TCF7L1: variants seen among roughly 807,000 people sequenced by gnomAD.
TCF7L1 encodes the protein transcription factor 7-like 1.
A neutral mutation model predicts 63.7 loss-of-function variants in TCF7L1; 18 were observed. The observed-to-expected ratio is 0.28, with a 90% CI of 0.20 to 0.42. The LOEUF is 0.42. Ranked by LOEUF, TCF7L1 falls within the 10% of genes least tolerant of loss-of-function variation. The pLI, the probability that TCF7L1 is intolerant of heterozygous loss-of-function variation, is 1.00. For synonymous variants in TCF7L1, 355 were observed against 340.9 expected (o/e 1.04, Z -0.46); for missense variants, 654 against 779.3 (o/e 0.84, Z 1.91).
intron 3 of TCF7L1, among the ~76,000 whole-genome samples, chr2:85,273,543 C>G (rs1019003287): frequency 1.3e-5 from 2 of 152,194 alleles, no homozygotes; most frequent in African/African-American, 4.8e-5. Context: ...GGGAAATAAG[C>G]CCTCTCCCAG....
rs560121428 is a variant in TCF7L1, at chr2:85,302,147, A to T, written c.526-337A>T. On this transcript the variant is annotated intron_variant, in intron 4 of 11. Transcript: ENST00000282111. ...CATCTCAAAAAACAAAACAAAACAA[A>T]AAAAAAACCTTTTTAGATTCAATGA... Among the ~76,000 whole-genome samples, 5 of 152,182 alleles carry T rather than the reference A, an allele frequency of 3.3e-5. No homozygotes were observed. In the East Asian group the frequency reaches 5.8e-4, roughly 18 times the overall value.
chr2:85,264,402 A>G (rs1216520629), intron 3 of TCF7L1, among the ~76,000 whole-genome samples: 1 of 152,290 alleles, frequency 6.6e-6, no homozygotes, highest in East Asian at 1.9e-4. Flanking sequence ...TGCATCACAA[A>G]TCCTCGGACA....
At chr2:85,136,933 T>C (rs904190486) in intron 3 of TCF7L1, among the ~76,000 whole-genome samples, 3 of 152,124 alleles carry the variant, frequency 2.0e-5, no homozygotes, top group Admixed American at 1.3e-4. Flanking sequence ...GGCCCTCTGT[T>C]GGTTTCCCAG....
intron 3 of TCF7L1, among the ~76,000 whole-genome samples, chr2:85,151,680 A>C (rs918029400): frequency 1.3e-5 from 2 of 152,244 alleles, no homozygotes; most frequent in Non-Finnish European, 2.9e-5. Context: ...CTACAGGCTG[A>C]GACCAGTTTG....
At chr2:85,191,308 G>A (rs900709158) in intron 3 of TCF7L1, among the ~76,000 whole-genome samples, 1 of 152,160 alleles carries the variant, frequency 6.6e-6, no homozygotes, top group Non-Finnish European at 1.5e-5. Flanking sequence ...CACTTAACAT[G>A]ACATTGGTTT....
chr2:85,162,315 G>T (rs934122148), intron 3 of TCF7L1, among the ~76,000 whole-genome samples: 1 of 152,130 alleles, frequency 6.6e-6, no homozygotes, highest in Non-Finnish European at 1.5e-5. Flanking sequence ...TGGACATGGG[G>T]CCCTGGAACA....
rs576911841 is a variant in TCF7L1, at chr2:85,306,864, CTG to C, written c.1257+309_1257+310del. Among the ~76,000 whole-genome samples the C allele has an allele frequency of 7.4e-3, 1,125 of 152,250 alleles. 14 individuals are homozygous for C. The highest frequency in any genetic ancestry group is 0.026 in the African/African-American group (1,082 of 41,546). On this transcript the variant is annotated intron_variant, in intron 10 of 11. Coordinates refer to ENST00000282111, the MANE Select transcript of TCF7L1 (RefSeq NM_031283.3). This position sits in a 1 kb window ranked among gnomAD's most constrained non-coding sequence, Gnocchi z 4.3. Reference sequence around the variant, plus strand: ...TATTTTTAGTAGAGACGGGGTTTCACTGTGTTAACCAGGATGGTCTCGAGCTC... The same window carrying C: ...TATTTTTAGTAGAGACGGGGTTTCACTGTTAACCAGGATGGTCTCGAGCTC...
intron 3 of TCF7L1, among the ~76,000 whole-genome samples, chr2:85,137,184 T>C (rs72838189): frequency 6.6e-6 from 1 of 152,050 alleles, no homozygotes; most frequent in Non-Finnish European, 1.5e-5. Context: ...GTGGGAATTG[T>C]CTGGATTGTT....
At chr2:85,205,071 G>C (rs1572990881) in intron 3 of TCF7L1, 1 of 152,114 alleles carries the variant, frequency 6.6e-6, no homozygotes, top group East Asian at 1.9e-4. Context: ...AAACTACCTA[G>C]AAGTGGAATG....
At chr2:85,289,426 A>G (rs1027014948) in intron 4 of TCF7L1, among the ~76,000 whole-genome samples, 5 of 152,218 alleles carry the variant, frequency 3.3e-5, no homozygotes, top group Admixed American at 3.3e-4. Context: ...GACTTAATCC[A>G]GCTTTTTGGA....
chr2:85,301,361 T>C (rs1172678069), intron 4 of TCF7L1, among the ~76,000 whole-genome samples: 3 of 152,240 alleles, frequency 2.0e-5, no homozygotes, highest in South Asian at 2.1e-4. Context: ...CACAGCTTCT[T>C]TTCTAGGTTA....
chr2:85,220,091 T>C (rs1679808585), intron 3 of TCF7L1, among the ~76,000 whole-genome samples: 1 of 152,160 alleles, frequency 6.6e-6, no homozygotes, highest in Admixed American at 6.5e-5. Flanking sequence ...AAGACACTCA[T>C]TGAACCTATA....
intron 3 of TCF7L1, among the ~76,000 whole-genome samples, chr2:85,215,293 C>G (rs904950885): frequency 3.9e-5 from 6 of 152,210 alleles, no homozygotes; most frequent in Non-Finnish European, 7.3e-5. Context: ...AGCAGGTGAT[C>G]AATAAATGCT....
chr2:85,264,277 C>CA (rs550126540), intron 3 of TCF7L1, among the ~76,000 whole-genome samples: 198 of 152,274 alleles, frequency 1.3e-3, no homozygotes, highest in Non-Finnish European at 2.4e-3. Context: ...TCCTGACCTC[C>CA]AGGAATGGAT....
intron 3 of TCF7L1, among the ~76,000 whole-genome samples, chr2:85,191,733 G>C (rs776189201): frequency 6.6e-6 from 1 of 151,706 alleles, no homozygotes; most frequent in Non-Finnish European, 1.5e-5. Context: ...GCTGAGGCAG[G>C]AGAATCGCTT....
At position 85,278,017 on chromosome 2, in the gene TCF7L1, G is replaced by T. The variant is rs991611090; in HGVS notation, c.442-5478G>T. Among the ~76,000 whole-genome samples the T allele has an allele frequency of 2.3e-4, 35 of 152,172 alleles. 1 individual carries two copies. Among genetic ancestry groups the T allele is most frequent in the Non-Finnish European group, 7.4e-5 (5 of 68,010 alleles). On this transcript the variant is annotated intron_variant, in intron 3 of 11. Coordinates refer to ENST00000282111, the MANE Select transcript of TCF7L1 (RefSeq NM_031283.3). ...CCTGCCTCTGTACAGGGCATGCTGGGATTTCCTCCCAGCTGTTTTACATCA... is the reference window on the plus strand; with the variant it reads ...CCTGCCTCTGTACAGGGCATGCTGGTATTTCCTCCCAGCTGTTTTACATCA...
chr2:85,214,115 C>T (rs1679635883), intron 3 of TCF7L1, among the ~76,000 whole-genome samples: 1 of 152,206 alleles, frequency 6.6e-6, no homozygotes, highest in Non-Finnish European at 1.5e-5. Flanking sequence ...GGCATTCCAG[C>T]CTGTGTCATC....
At chr2:85,144,782 G>C (rs1473156680) in intron 3 of TCF7L1, among the ~76,000 whole-genome samples, 1 of 147,924 alleles carries the variant, frequency 6.8e-6, no homozygotes, top group Non-Finnish European at 1.5e-5. Context: ...TGTTTAAGAT[G>C]GTTAGAAATC....
At chr2:85,282,794 TTGTGTGTG>T (rs59628868) in intron 3 of TCF7L1, among the ~76,000 whole-genome samples, 14,023 of 119,232 alleles carry the variant, frequency 0.12, 807 homozygotes, top group Non-Finnish European at 0.14. Context: ...GAGAGAGAGA[TTGTGTGTG>T]TGTGTGTGTG....
Sources: allele counts gnomAD v4.1 joint callset (sites outside exome capture counted in the v4.1 genomes callset), GRCh38; gene constraint gnomAD v4.1.1; non-coding constraint Gnocchi (gnomAD v3.1); transcripts MANE v1.5; gene names NCBI Gene and HGNC (gene_info 2026-07-23, HGNC 2026-07-21).